RNF17: variants seen among roughly 807,000 people sequenced by gnomAD.
RNF17 encodes the protein spermatogenesis associated 23.
In RNF17, 31 loss-of-function variants were observed where a neutral mutation model predicts 200.5. The observed-to-expected ratio is 0.15, with a 90% CI of 0.12 to 0.21. The LOEUF (loss-of-function observed/expected upper bound fraction) is 0.21, where lower values mean the gene tolerates loss of function less well. RNF17 is among the 10% of genes least tolerant of loss of function. RNF17 has a pLI of 1.00. For missense variants in RNF17, 1,628 were observed against 1,905.1 expected (o/e 0.85, Z 2.71); for synonymous variants, 606 against 637.8 (o/e 0.95, Z 0.75).
At chr13:24,762,832 A>C (rs943778228), upstream of RNF17, among the ~76,000 whole-genome samples, 2 of 152,108 alleles carry the variant, frequency 1.3e-5, no homozygotes. Flanking sequence ...CGTCTCATGC[A>C]CTCTACTGCT....
intron 4 of RNF17, 109 bp downstream of exon 4, chr13:24,778,515 G>A: frequency 3.9e-6 from 3 of 764,490 alleles, no homozygotes; most frequent in East Asian, 2.6e-5. Flanking sequence ...AAGTTTATAC[G>A]TAACAAGTTA....
At chr13:24,823,972 T>C (rs891786066) in intron 15 of RNF17, among the ~76,000 whole-genome samples, 13 of 152,216 alleles carry the variant, frequency 8.5e-5, no homozygotes, top group Admixed American at 8.5e-4. Flanking sequence ...GGACTTAGGA[T>C]ACATATACAC....
intron 9 of RNF17, among the ~76,000 whole-genome samples, chr13:24,790,553 C>T (rs889457592): frequency 1.3e-5 from 2 of 152,180 alleles, no homozygotes; most frequent in Non-Finnish European, 2.9e-5. Flanking sequence ...TCGTTAGTGA[C>T]TACCTGTCTT....
rs59493601 is a variant in RNF17 at position 24,797,705 on chromosome 13, A to AGTTTGTGTGTGTGTGTGT, written c.1399+1412_1399+1413insTTGTGTGTGTGTGTGTGT. ...GAGAGAGAGAGAGAGAGAGACAAAG[A>AGTTTGTGTGTGTGTGTGT]GTGTGTGTGTGTGTGTGTGTGTGTG... is the stretch of plus-strand genomic sequence containing the variant. On this transcript the variant is annotated intron_variant, in intron 11 of 35. Coordinates refer to ENST00000255324, the MANE Select transcript of RNF17 (RefSeq NM_031277.3). 3.5e-3 allele frequency among the ~76,000 whole-genome samples: 412 copies of AGTTTGTGTGTGTGTGTGT among 119,090 alleles called. 16 individuals carry two copies. The highest frequency in any genetic ancestry group is 0.012 in the African/African-American group (374 of 31,278). The allele number at this position is 119,090 out of a possible 152,430, so 78.1% of individuals were successfully genotyped here. A position where few individuals can be genotyped will look rare whatever the true frequency, so the allele number is the denominator to read the frequency against.
chr13:24,826,522 C>T (rs1385305114), intron 16 of RNF17, among the ~76,000 whole-genome samples: 1 of 152,134 alleles, frequency 6.6e-6, no homozygotes, highest in African/African-American at 2.4e-5. Flanking sequence ...CCTGTAAATC[C>T]CAGTACTTTG....
chr13:24,764,887 GGGTGTGT>G (rs1015023971), intron 1 of RNF17, among the ~76,000 whole-genome samples: 4 of 72,272 alleles, frequency 5.5e-5, no homozygotes, highest in African/African-American at 2.4e-4. Context: ...GCACCTTGTG[GGGTGTGT>G]GTGTGTGTGT....
rs1042109857 is a variant in RNF17 at position 24,844,784 on chromosome 13, T to C, written c.2964T>C (p.Val988=). 6.2e-7 allele frequency: 1 copy of C among 1,613,450 alleles called. No homozygotes were observed. Among genetic ancestry groups the C allele is most frequent in the African/African-American group, 1.3e-5 (1 of 75,030 alleles). ...GAAGAGGCCAGATCATCAGAATGGT[T>C]ACAGACACATTGGTAGAGGTAAATT... ...QWRRGQIIRM[V]TDTLVEVLLY... The change falls in exon 21 of 36, where the codon GTT becomes GTC. Residue 988 remains valine (V), a synonymous_variant. Coordinates refer to ENST00000255324, the MANE Select transcript of RNF17 (RefSeq NM_031277.3).
At chr13:24,858,727 A>G (rs1892782530) in intron 25 of RNF17, among the ~76,000 whole-genome samples, 1 of 152,078 alleles carries the variant, frequency 6.6e-6, no homozygotes, top group South Asian at 2.1e-4. Context: ...GGGCTGTCAA[A>G]CTGACCCTAT....
intron 7 of RNF17, among the ~76,000 whole-genome samples, chr13:24,788,887 C>T (rs1439268072): frequency 6.6e-6 from 1 of 152,116 alleles, no homozygotes; most frequent in Non-Finnish European, 1.5e-5. Context: ...TCCAAAGTCT[C>T]TAACGTTAAA....
Position 24,796,112 on chromosome 13 carries a change from A to T in RNF17, c.1241-25A>T, listed in dbSNP as rs373173030. 1.2e-4 allele frequency: 180 copies of T among 1,548,008 alleles called. No homozygotes were observed. The African/African-American group carries it at 2.3e-3, about 20-fold the overall frequency. On this transcript the variant is annotated intron_variant, in intron 10 of 35. Transcript: ENST00000255324. The stretch of plus-strand genomic sequence containing the variant: ...TTATTTTCTAACTCATGGTTTATTA[A>T]TGTGACTTAAACATTTTTATCCAGG...
chr13:24,886,701 ATAAC>A, the RNF17 span, among the ~76,000 whole-genome samples: 7 of 152,346 alleles, frequency 4.6e-5, no homozygotes, highest in Admixed American at 1.3e-4. Context: ...AAACTAAACT[ATAAC>A]TAAAGCTGTG....
rs1384427206 is a variant in RNF17 at position 24,854,158 on chromosome 13, T to C, written c.3610+14T>C. ...CTAAACTATCAGGTGAGACCTTCTA[T>C]GTTATGTAGGCTCTAGTTCTCTAGT... On this transcript the variant is annotated intron_variant, in intron 25 of 35. Transcript: ENST00000255324. 1.3e-6 allele frequency: 2 copies of C among 1,588,596 alleles called. No homozygotes were observed. Among genetic ancestry groups the C allele is most frequent in the Middle Eastern group, 1.7e-4 (1 of 5,944 alleles).
Position 24,864,956 on chromosome 13 carries a change from TA to T in RNF17, c.4062del (p.Lys1354AsnfsTer12). On this transcript the variant is annotated frameshift_variant, in exon 29 of 36. Transcript: ENST00000255324. LOFTEE classifies it high-confidence loss of function. Reference sequence around the variant, plus strand: ...CACTTTCTTATTTTATGGCATACTATAAATACTGTACTTCTGAACATACTGA... The same window carrying T: ...CACTTTCTTATTTTATGGCATACTATAATACTGTACTTCTGAACATACTGA... ...MSLSYFMAYY[K>X]YCTSEHTEEM... 6.4e-7 allele frequency: 1 copy of T among 1,569,238 alleles called. No individual in the cohort carries two copies.
At chr13:24,877,330 T>TTG in intron 34 of RNF17, 144 bp downstream of exon 34, 1 of 597,698 alleles carries the variant, frequency 1.7e-6, no homozygotes, top group Admixed American at 4.2e-5. Context: ...ATGTATAGCT[T>TTG]TATATATACA....
At chr13:24,882,257 T>TAGATATATAGATACATCTATATAG (rs67643203), downstream of RNF17, 42 of 88,512 alleles carry the variant, frequency 4.7e-4, 1 homozygote, top group South Asian at 1.5e-3. Context: ...TACATCTATA[T>TAGATATATAGATACATCTATATAG]ATAGATACAT....
intron 10 of RNF17, 57 bp from the exon 11 acceptor site, chr13:24,796,080 T>C: frequency 2.2e-6 from 3 of 1,335,670 alleles, no homozygotes; most frequent in Non-Finnish European, 3.1e-6. Flanking sequence ...TGTTCAGCTT[T>C]CATGAATTAT....
intron 32 of RNF17, 34 bp downstream of exon 32, chr13:24,870,773 T>G (rs770625670): frequency 6.3e-7 from 1 of 1,579,916 alleles, no homozygotes; most frequent in South Asian, 1.1e-5. Context: ...AACAGGATAC[T>G]TAATAAAACT....
chr13:24,779,280 G>A (rs1882028380), intron 4 of RNF17, among the ~76,000 whole-genome samples: 1 of 152,118 alleles, frequency 6.6e-6, no homozygotes, highest in South Asian at 2.1e-4. Context: ...TCCTTCAAGT[G>A]TAAATCTTAA....
At chr13:24,815,428 G>GGTGTGTGTGT (rs60054136) in intron 15 of RNF17, among the ~76,000 whole-genome samples, 126 of 144,188 alleles carry the variant, frequency 8.7e-4, no homozygotes, top group African/African-American at 2.3e-3. Flanking sequence ...GCCCTAACGG[G>GGTGTGTGTGT]GTGTGTGTGT....
Sources: gnomAD v4.1 joint callset for allele counts (sites outside exome capture counted in the v4.1 genomes callset) on GRCh38, gnomAD v4.1.1 for gene constraint, MANE v1.5 for transcripts, NCBI Gene and HGNC (gene_info 2026-07-23, HGNC 2026-07-21) for gene names.